The following CCDC144A variants were observed in gnomAD, a reference collection of about 807,000 sequenced individuals.
CCDC144A encodes coiled-coil domain containing 144A, also known as coiled-coil domain-containing protein 144A.
CCDC144A carries 41 observed loss-of-function variants against 143.8 expected under a neutral mutation model. That is an observed-to-expected ratio of 0.29 (90% CI 0.22 to 0.37). CCDC144A has a LOEUF of 0.37. Ranked by LOEUF, CCDC144A falls within the 10% of genes least tolerant of loss-of-function variation. The probability of loss-of-function intolerance (pLI) is 1.00; values close to 1 mark genes in which losing one functional copy is unlikely to be tolerated. For missense variants in CCDC144A, 637 were observed against 1,488.8 expected (o/e 0.43, Z 9.41); for synonymous variants, 242 against 517.9 (o/e 0.47, Z 7.23).
chr17:16,760,089 G>C (rs948421772), intron 12 of CCDC144A, among the ~76,000 whole-genome samples: 1 of 152,238 alleles, frequency 6.6e-6, no homozygotes, highest in Non-Finnish European at 1.5e-5. Context: ...CTTTCTCACG[G>C]CATGTTGGCT....
At chr17:16,683,523 G>A in the CCDC144A span, 78 of 1,536,492 alleles carry the variant, frequency 5.1e-5, 1 homozygote, top group Admixed American at 2.8e-4. Context: ...GTTCTATGCC[G>A]TGAGGAGGGG....
At chr17:16,748,613 T>C (rs1914646674) in intron 12 of CCDC144A, among the ~76,000 whole-genome samples, 1 of 152,170 alleles carries the variant, frequency 6.6e-6, no homozygotes, top group Admixed American at 6.5e-5. Context: ...ATACAATGAG[T>C]TAGGGAGAAG....
the CCDC144A span, chr17:16,683,348 T>G: frequency 1.6e-6 from 1 of 606,352 alleles, no homozygotes; most frequent in South Asian, 2.1e-5. Context: ...AATTAAGTAC[T>G]GGAAAACTTG....
intron 1 of CCDC144A, among the ~76,000 whole-genome samples, chr17:16,691,010 T>C (rs1039778162): frequency 6.6e-6 from 1 of 152,270 alleles, no homozygotes; most frequent in African/African-American, 2.4e-5. Context: ...ATACCTATTA[T>C]ACAGCAGACA....
intron 6 of CCDC144A, among the ~76,000 whole-genome samples, chr17:16,715,499 T>C (rs1317406975): frequency 6.6e-6 from 1 of 152,180 alleles, no homozygotes; most frequent in African/African-American, 2.4e-5. Context: ...CTTTTACTAA[T>C]AATCATGATA....
At chr17:16,680,988 T>C in the CCDC144A span, among the ~76,000 whole-genome samples, 7 of 152,078 alleles carry the variant, frequency 4.6e-5, no homozygotes, top group African/African-American at 1.7e-4. Context: ...GAAATTGTAC[T>C]GCTAATGTAT....
At chr17:16,756,569 C>T (rs1444160357) in intron 12 of CCDC144A, among the ~76,000 whole-genome samples, 3 of 147,908 alleles carry the variant, frequency 2.0e-5, no homozygotes, top group Admixed American at 6.6e-5. Flanking sequence ...TTCCTGATTC[C>T]TTTGTATTAT....
rs1453543366 is a variant in CCDC144A at position 16,690,254 on chromosome 17, G to A, written c.-147G>A. On this transcript the variant is annotated 5_prime_UTR_variant, in exon 1 of 17. Coordinates refer to ENST00000399273, the MANE Select transcript of CCDC144A (RefSeq NM_001382000.1). ...GGCCTTACCCACGAGGCTTTGCGGTGGCTGTTGGCTTGGCGGTGGTCGCTT... is the reference window on the plus strand; with the variant it reads ...GGCCTTACCCACGAGGCTTTGCGGTAGCTGTTGGCTTGGCGGTGGTCGCTT... 1 of 546,408 alleles carries A rather than the reference G, an allele frequency of 1.8e-6. No individual in the cohort carries two copies. Among genetic ancestry groups the A allele is most frequent in the Admixed American group, 3.2e-5 (1 of 31,628 alleles). 33.8% of individuals were successfully genotyped at this position (546,408 alleles called of 1,614,324 possible). A position where few individuals can be genotyped will look rare whatever the true frequency, so the allele number is the denominator to read the frequency against.
chr17:16,695,049 CAT>C (rs887652365), intron 2 of CCDC144A, among the ~76,000 whole-genome samples: 9 of 152,176 alleles, frequency 5.9e-5, no homozygotes, highest in Non-Finnish European at 1.2e-4. Context: ...TAATTTAGTA[CAT>C]GTTAATCAAA....
chr17:16,729,991 T>TATATATATATATATACAC (rs1491438660), intron 9 of CCDC144A, among the ~76,000 whole-genome samples: 19 of 114,876 alleles, frequency 1.7e-4, no homozygotes, highest in African/African-American at 6.0e-4. Flanking sequence ...TATATATATA[T>TATATATATATATATACAC]ACACACATAC....
At chr17:16,734,561 A>G (rs1203838688) in intron 11 of CCDC144A, 129 bp from the exon 12 acceptor site, 5 of 666,516 alleles carry the variant, frequency 7.5e-6, no homozygotes, top group African/African-American at 7.3e-5. Flanking sequence ...TGAAGTTTCG[A>G]TAGAATATTT....
chr17:16,718,494 C>T (rs1237487868), intron 6 of CCDC144A, among the ~76,000 whole-genome samples: 2 of 152,090 alleles, frequency 1.3e-5, no homozygotes, highest in Non-Finnish European at 2.9e-5. Flanking sequence ...TGTTTATTCA[C>T]GTAGAGTTTT....
the CCDC144A span, among the ~76,000 whole-genome samples, chr17:16,670,115 A>G: frequency 1.3e-5 from 2 of 151,690 alleles, no homozygotes; most frequent in Admixed American, 1.3e-4. Context: ...TGGGAGGCAG[A>G]GGTTGCAGTG....
intron 5 of CCDC144A, among the ~76,000 whole-genome samples, chr17:16,709,889 A>G (rs183518434): frequency 2.2e-3 from 341 of 152,338 alleles, no homozygotes; most frequent in Admixed American, 3.7e-3. Flanking sequence ...TTAGCCATAT[A>G]TCATGTGACC....
At chr17:16,745,812 G>A (rs1203318770) in intron 12 of CCDC144A, 224 of 1,609,104 alleles carry the variant, frequency 1.4e-4, no homozygotes, top group Non-Finnish European at 1.7e-4. Context: ...ACACCTCTGC[G>A]CTCTTCCCAG....
At position 16,772,107 on chromosome 17, in the gene CCDC144A, G is replaced by A. The variant is rs543472506; in HGVS notation, c.4141+88G>A. On this transcript the variant is annotated intron_variant, in intron 16 of 16. Transcript: ENST00000399273. ...AAACGACATCCCTTTCCGTTCTTGG[G>A]CTAGTAGATACTACATTAAATATTC... 5.8e-5 allele frequency: 46 copies of A among 793,756 alleles called. No individual in the cohort carries two copies. The African/African-American group carries it at 8.2e-4, about 14-fold the overall frequency. The allele number at this position is 793,756 out of a possible 1,614,324, so 49.2% of individuals were successfully genotyped here.
the CCDC144A span, among the ~76,000 whole-genome samples, chr17:16,680,916 G>A: frequency 6.6e-6 from 1 of 152,024 alleles, no homozygotes; most frequent in African/African-American, 2.4e-5. Context: ...ATACTTGAAT[G>A]AATTTATGAG....
chr17:16,746,130 T>G lies in CCDC144A; in HGVS notation c.3372+10487T>G, dbSNP rs946200777. 22 of 1,584,362 alleles carry G rather than the reference T, an allele frequency of 1.4e-5. No homozygotes were observed. In the African/African-American group the frequency reaches 3.0e-4, roughly 21 times the overall value. On this transcript the variant is annotated intron_variant, in intron 12 of 16. Transcript: ENST00000399273. ...TGCACCGGGAGCACAGGATTCCTGC[T>G]TGCCACCTCCAGTATCAATCTCCTC...
upstream of CCDC144A, among the ~76,000 whole-genome samples, chr17:16,686,461 G>T (rs114441454): frequency 0.026 from 3,910 of 151,312 alleles, 165 homozygotes; most frequent in African/African-American, 0.09. Context: ...CATTTTTTTT[G>T]TTGCCAGTGG....
Sources: allele counts gnomAD v4.1 joint callset (sites outside exome capture counted in the v4.1 genomes callset), GRCh38; gene constraint gnomAD v4.1.1; transcripts MANE v1.5; gene names NCBI Gene and HGNC (gene_info 2026-07-23, HGNC 2026-07-21).